Variants in CCSER1 observed in about 807,000 individuals in gnomAD.
CCSER1 encodes serine-rich coiled-coil domain-containing protein 1.
In CCSER1, 41 loss-of-function variants were observed where a neutral mutation model predicts 82.0. The observed-to-expected ratio is 0.50, with a 90% CI of 0.39 to 0.65. CCSER1 has a LOEUF of 0.65. Ranked by LOEUF, CCSER1 falls within the 30% of genes least tolerant of loss-of-function variation. CCSER1 has a pLI of 0.00. For synonymous variants in CCSER1, 414 were observed against 383.9 expected (o/e 1.08, Z -0.92); for missense variants, 1,119 against 1,064.2 (o/e 1.05, Z -0.72).
At chr4:90,462,013 C>A (rs1376868569) in intron 4 of CCSER1, among the ~76,000 whole-genome samples, 1 of 152,130 alleles carries the variant, frequency 6.6e-6, no homozygotes, top group Non-Finnish European at 1.5e-5. Context: ...GTGCTATTTA[C>A]AGTCATGATG....
intron 10 of CCSER1, among the ~76,000 whole-genome samples, chr4:91,460,141 TA>T (rs1306669433): frequency 6.6e-6 from 1 of 152,186 alleles, no homozygotes; most frequent in Non-Finnish European, 1.5e-5. Context: ...GAGTTGAAAG[TA>T]AAATCAGTAA....
At chr4:90,623,810 A>T (rs1258677236) in intron 5 of CCSER1, among the ~76,000 whole-genome samples, 2 of 152,208 alleles carry the variant, frequency 1.3e-5, no homozygotes, top group Non-Finnish European at 2.9e-5. Context: ...AATATAAGTT[A>T]TTCATAATCA....
chr4:90,864,567 TC>T (rs925366715), intron 8 of CCSER1, among the ~76,000 whole-genome samples: 158 of 152,132 alleles, frequency 1.0e-3, no homozygotes, highest in African/African-American at 2.9e-3. Flanking sequence ...ATCTTGGACT[TC>T]CTAGCCTTCA....
chr4:90,255,005 A>G (rs576245520), intron 1 of CCSER1, among the ~76,000 whole-genome samples: 2 of 151,578 alleles, frequency 1.3e-5, no homozygotes, highest in African/African-American at 4.9e-5. Context: ...ACACACACAC[A>G]CACACGCACA....
chr4:90,906,212 T>C (rs1022716016), intron 8 of CCSER1, among the ~76,000 whole-genome samples: 1 of 152,178 alleles, frequency 6.6e-6, no homozygotes, highest in African/African-American at 2.4e-5. Flanking sequence ...TATACGGATT[T>C]GACTTTATTT....
chr4:91,282,609 C>G (rs998302171), intron 10 of CCSER1, among the ~76,000 whole-genome samples: 3 of 152,104 alleles, frequency 2.0e-5, no homozygotes, highest in African/African-American at 4.8e-5. Flanking sequence ...TATTCTTAGA[C>G]AAAGGAAATT....
intron 9 of CCSER1, among the ~76,000 whole-genome samples, chr4:91,063,405 A>G (rs1744117568): frequency 1.3e-5 from 2 of 152,176 alleles, no homozygotes; most frequent in South Asian, 4.1e-4. Context: ...TGCAATTACT[A>G]TTGTCATCAT....
chr4:90,616,733 ACACAC>A (rs1276961629), intron 5 of CCSER1, among the ~76,000 whole-genome samples: 1,421 of 76,040 alleles, frequency 0.019, 25 homozygotes, highest in African/African-American at 0.084. Context: ...ACACACACAC[ACACAC>A]AAATAAAATA....
chr4:91,001,303 A>T (rs1738012511), intron 9 of CCSER1, among the ~76,000 whole-genome samples: 1 of 152,074 alleles, frequency 6.6e-6, no homozygotes. Flanking sequence ...TGTGGAATTT[A>T]GTTTCCTAAT....
chr4:90,961,986 AC>A (rs1734092902), intron 9 of CCSER1, among the ~76,000 whole-genome samples: 1 of 152,114 alleles, frequency 6.6e-6, no homozygotes, highest in African/African-American at 2.4e-5. Flanking sequence ...AAAAACAAAA[AC>A]AAAAAACATT....
chr4:90,227,813 G>A (rs978498996), intron 1 of CCSER1, among the ~76,000 whole-genome samples: 21 of 152,224 alleles, frequency 1.4e-4, no homozygotes, highest in African/African-American at 5.1e-4. Flanking sequence ...CACTCGGGAA[G>A]CGCAAAGAGT....
intron 3 of CCSER1, among the ~76,000 whole-genome samples, chr4:90,332,331 G>A (rs1739457858): frequency 6.6e-6 from 1 of 151,736 alleles, no homozygotes; most frequent in African/African-American, 2.4e-5. Context: ...CCGCCTACTG[G>A]GTTCAAGCAA....
intron 8 of CCSER1, among the ~76,000 whole-genome samples, chr4:90,833,014 C>T (rs1186529805): frequency 6.6e-6 from 1 of 152,172 alleles, no homozygotes; most frequent in Non-Finnish European, 1.5e-5. Context: ...TTATTCACAG[C>T]TTTTCAAATA....
chr4:90,780,612 A>G (rs1753639316), intron 7 of CCSER1: 2 of 1,440,790 alleles, frequency 1.4e-6, no homozygotes, highest in African/African-American at 2.9e-5. Flanking sequence ...TAGGCAAAGG[A>G]CAGTAGGCTT....
intron 4 of CCSER1, among the ~76,000 whole-genome samples, chr4:90,429,703 T>C (rs1292704074): frequency 2.6e-5 from 4 of 151,698 alleles, no homozygotes; most frequent in African/African-American, 9.7e-5. Flanking sequence ...GTTCAGAAAA[T>C]ATAGAGTGGA....
chr4:91,598,593 G>A lies in CCSER1; in HGVS notation c.2239G>A (p.Val747Met). Residue 747 changes from valine to methionine, a missense_variant, in exon 11 of 11, where the codon GTG (valine) becomes ATG (methionine). Physicochemically the swap from Val to Met is conservative, Grantham distance 21 (BLOSUM62 1). Coordinates refer to ENST00000509176, the MANE Select transcript of CCSER1 (RefSeq NM_001145065.2). The part of the protein sequence containing the change: ...GREATYRNRI[V>M]SQNLSTRDRK... Reference sequence around the variant, plus strand: ...ATAGGCTACATATCGAAATCGAATTGTGAGCCAAAATCTCAGCACAAGGGA... The same window carrying A: ...ATAGGCTACATATCGAAATCGAATTATGAGCCAAAATCTCAGCACAAGGGA... The A allele has an allele frequency of 6.5e-7, 1 of 1,548,332 alleles. No homozygotes were observed. Among genetic ancestry groups the A allele is most frequent in the Non-Finnish European group, 8.7e-7 (1 of 1,144,774 alleles).
intron 8 of CCSER1, among the ~76,000 whole-genome samples, chr4:90,884,617 A>T (rs1231858886): frequency 6.6e-6 from 1 of 152,170 alleles, no homozygotes; most frequent in Admixed American, 6.5e-5. Context: ...GCAGAAAAAA[A>T]TGTTAAAATT....
intron 5 of CCSER1, among the ~76,000 whole-genome samples, chr4:90,511,302 C>A (rs1237941801): frequency 6.6e-6 from 1 of 152,070 alleles, no homozygotes; most frequent in African/African-American, 2.4e-5. Flanking sequence ...CCTGTAGTCC[C>A]AGCTACTCGG....
At chr4:90,416,450 T>C (rs561006041) in intron 4 of CCSER1, among the ~76,000 whole-genome samples, 1 of 152,322 alleles carries the variant, frequency 6.6e-6, no homozygotes, top group South Asian at 2.1e-4. Context: ...ACAGTTGCTT[T>C]CAACAAATGA....
Sources: allele counts gnomAD v4.1 joint callset (sites outside exome capture counted in the v4.1 genomes callset), GRCh38; gene constraint gnomAD v4.1.1; transcripts MANE v1.5; gene names NCBI Gene and HGNC (gene_info 2026-07-23, HGNC 2026-07-21).